RBFOX1: variants seen among roughly 807,000 people sequenced by gnomAD.
The protein encoded by RBFOX1 is RNA binding fox-1 homolog 1, also known as RNA binding protein fox-1 homolog 1.
A neutral mutation model predicts 57.7 loss-of-function variants in RBFOX1; 8 were observed. That is an observed-to-expected ratio of 0.14 (90% CI 0.08 to 0.25). RBFOX1 has a LOEUF of 0.25. Among genes scored for constraint, RBFOX1 ranks in the 10% least tolerant of loss-of-function variants. The pLI is 1.00. For synonymous variants in RBFOX1, 326 were observed against 222.4 expected, an observed-to-expected ratio of 1.47 and a Z score of -4.15; for missense variants, 611 against 548.5, an observed-to-expected ratio of 1.11 and a Z score of -1.14.
chr16:6,566,319 G>T (rs552402220), intron 2 of RBFOX1, among the ~76,000 whole-genome samples: 35 of 152,314 alleles, frequency 2.3e-4, no homozygotes, highest in Non-Finnish European at 3.5e-4. Context: ...TCGATTCTAG[G>T]TGTGATCCTG....
chr16:6,595,157 C>T (rs2097764586), intron 2 of RBFOX1, among the ~76,000 whole-genome samples: 1 of 152,144 alleles, frequency 6.6e-6, no homozygotes, highest in Non-Finnish European at 1.5e-5. Flanking sequence ...CTAAATTTAG[C>T]ATATTTTTAT....
At chr16:6,316,551 AG>A (rs2081141312) in intron 1 of RBFOX1, among the ~76,000 whole-genome samples, 2 of 152,298 alleles carry the variant, frequency 1.3e-5, no homozygotes, top group Non-Finnish European at 2.9e-5. Context: ...GCTAATTCCT[AG>A]GGGGAAAATC....
chr16:6,178,558 G>C (rs868522093), intron 1 of RBFOX1, among the ~76,000 whole-genome samples: 2 of 152,100 alleles, frequency 1.3e-5, no homozygotes, highest in Non-Finnish European at 2.9e-5. Flanking sequence ...ATCACTGATG[G>C]CTTACTATGA....
Position 7,125,065 on chromosome 16 carries a change from G to C in RBFOX1, c.27+72967G>C, listed in dbSNP as rs555804445. Among the ~76,000 whole-genome samples, 7 of 152,246 alleles carry C rather than the reference G, an allele frequency of 4.6e-5. No homozygotes were observed. In the South Asian group the frequency reaches 1.2e-3, roughly 27 times the overall value. ...AGCAACATTGAGGTTTGGATGAAGA[G>C]AGCACTCTGTCAAAGCTGAGATATT... is the stretch of plus-strand genomic sequence containing the variant. On this transcript the variant is annotated intron_variant, in intron 4 of 15. Transcript: ENST00000550418.
intron 4 of RBFOX1, among the ~76,000 whole-genome samples, chr16:7,500,507 A>G (rs748308836): frequency 2.4e-4 from 36 of 152,226 alleles, no homozygotes; most frequent in Non-Finnish European, 5.0e-4. Flanking sequence ...AAACGTAGAT[A>G]TGCATCATGC....
chr16:7,368,981 G>T (rs181941134), intron 4 of RBFOX1, among the ~76,000 whole-genome samples: 1 of 152,008 alleles, frequency 6.6e-6, no homozygotes, highest in South Asian at 2.1e-4. Flanking sequence ...CAATGATCCT[G>T]CAGCTGAGCA....
chr16:5,593,995 C>T (rs879249500), intron 2 of RBFOX1, among the ~76,000 whole-genome samples: 2 of 152,094 alleles, frequency 1.3e-5, no homozygotes, highest in African/African-American at 4.8e-5. Context: ...CATCCTGCCC[C>T]CACACCTTCT....
intron 4 of RBFOX1, among the ~76,000 whole-genome samples, chr16:7,327,764 T>C (rs1308727924): frequency 6.6e-6 from 1 of 152,096 alleles, no homozygotes. Flanking sequence ...TTTCAAGAGA[T>C]AGCATAAATC....
rs1350575278 is a variant in RBFOX1, at chr16:5,947,523, A to G, written c.351+80188A>G. ...AATTTTTAGAGACAGGGGTCTCTGT[A>G]TGTTGCCTAGGCTGGTGTCAGACTC... is the stretch of plus-strand genomic sequence containing the variant. On this transcript the variant is annotated intron_variant, in intron 4 of 19. Transcript: ENST00000641259. The surrounding 1 kb of genome is among the most constrained non-coding windows in gnomAD (Gnocchi z 7.2). Among the ~76,000 whole-genome samples the G allele has an allele frequency of 3.9e-5, 6 of 152,084 alleles. No homozygotes were observed. The highest frequency in any genetic ancestry group is 4.8e-5 in the African/African-American group (2 of 41,404).
At chr16:6,009,494 C>T (rs944241756) in intron 4 of RBFOX1, among the ~76,000 whole-genome samples, 1 of 152,156 alleles carries the variant, frequency 6.6e-6, no homozygotes, top group Non-Finnish European at 1.5e-5. Flanking sequence ...AATGGCACTT[C>T]CTGAGTGTTC....
intron 4 of RBFOX1, among the ~76,000 whole-genome samples, chr16:7,238,617 T>C (rs1312826102): frequency 6.6e-6 from 1 of 152,216 alleles, no homozygotes; most frequent in Admixed American, 6.5e-5. Flanking sequence ...ATAAAATGAA[T>C]ATGCATTTCT....
intron 1 of RBFOX1, among the ~76,000 whole-genome samples, chr16:5,391,189 T>A (rs2066398050): frequency 1.3e-5 from 2 of 152,338 alleles, no homozygotes; most frequent in African/African-American, 4.8e-5. Context: ...TTAGTTTACT[T>A]GCAGCTGTAA....
intron 3 of RBFOX1, among the ~76,000 whole-genome samples, chr16:6,766,339 A>G (rs1396836987): frequency 6.6e-6 from 1 of 152,090 alleles, no homozygotes; most frequent in Non-Finnish European, 1.5e-5. Flanking sequence ...CAGAGTGGAA[A>G]AGACATAACT....
At chr16:5,762,939 C>G (rs1223890451) in intron 3 of RBFOX1, among the ~76,000 whole-genome samples, 1 of 152,136 alleles carries the variant, frequency 6.6e-6, no homozygotes, top group African/African-American at 2.4e-5. Flanking sequence ...ATGTGAAAAG[C>G]AGTTATTGCT....
At chr16:5,949,857 G>C (rs1219826141) in intron 4 of RBFOX1, among the ~76,000 whole-genome samples, 1 of 152,184 alleles carries the variant, frequency 6.6e-6, no homozygotes, top group Non-Finnish European at 1.5e-5. Context: ...AAGCCCTGCA[G>C]GGGATTCTGA....
intron 4 of RBFOX1, among the ~76,000 whole-genome samples, chr16:7,314,931 C>A (rs1182370293): frequency 6.6e-6 from 1 of 152,106 alleles, no homozygotes; most frequent in East Asian, 1.9e-4. Context: ...ATTGGGAATT[C>A]TGGATGTAGG....
intron 2 of RBFOX1, among the ~76,000 whole-genome samples, chr16:6,499,328 T>A (rs2095854310): frequency 6.6e-6 from 1 of 152,172 alleles, no homozygotes; most frequent in South Asian, 2.1e-4. Flanking sequence ...TATGCCTGTT[T>A]CCTTTGGGGT....
intron 14 of RBFOX1, among the ~76,000 whole-genome samples, chr16:7,683,010 G>GTGTGTATATATATATATA: frequency 2.0e-4 from 1 of 4,900 alleles, no homozygotes; most frequent in East Asian, 5.2e-3. Context: ...GTGTGTGTGT[G>GTGTGTATATATATATATA]TATATATATA....
intron 1 of RBFOX1, among the ~76,000 whole-genome samples, chr16:6,213,685 G>C (rs1344530147): frequency 6.6e-6 from 1 of 152,158 alleles, no homozygotes; most frequent in Non-Finnish European, 1.5e-5. Context: ...ATACTGGATG[G>C]TTTAAATCAT....
Sources: gnomAD v4.1 joint callset for allele counts (sites outside exome capture counted in the v4.1 genomes callset) on GRCh38, gnomAD v4.1.1 for gene constraint, Gnocchi (gnomAD v3.1) non-coding constraint, MANE v1.5 for transcripts, NCBI Gene and HGNC (gene_info 2026-07-23, HGNC 2026-07-21) for gene names.